SEM1: variants seen among roughly 807,000 people sequenced by gnomAD.
SEM1 encodes the protein 26S proteasome complex subunit SEM1.
A neutral mutation model predicts 12.7 loss-of-function variants in SEM1; 3 were observed. That is an observed-to-expected ratio of 0.24 (90% CI 0.11 to 0.61). The LOEUF is 0.61. Ranked by LOEUF, SEM1 falls within the 20% of genes least tolerant of loss-of-function variation. The pLI is 0.88. For synonymous variants in SEM1, 30 were observed against 27.8 expected, an observed-to-expected ratio of 1.08 and a Z score of -0.25; for missense variants, 59 against 81.3, an observed-to-expected ratio of 0.73 and a Z score of 1.06.
At chr7:96,653,166 C>G (rs1485028787) in intron 2 of SEM1, among the ~76,000 whole-genome samples, 1 of 152,196 alleles carries the variant, frequency 6.6e-6, no homozygotes, top group Non-Finnish European at 1.5e-5. Context: ...GATTCCCACC[C>G]AGGCCTCACT....
intron 2 of SEM1, among the ~76,000 whole-genome samples, chr7:96,677,552 A>C (rs1188858646): frequency 1.3e-5 from 2 of 152,176 alleles, no homozygotes; most frequent in Admixed American, 6.5e-5. Context: ...GGATTTATTG[A>C]AAGGAAGTGA....
At chr7:96,578,358 T>C (rs1293487238) in intron 2 of SEM1, among the ~76,000 whole-genome samples, 1 of 150,222 alleles carries the variant, frequency 6.7e-6, no homozygotes, top group Admixed American at 6.6e-5. Context: ...TAAAAGGTGA[T>C]AGAGGAAAAA....
At chr7:96,586,240 A>T (rs1488425217) in intron 2 of SEM1, among the ~76,000 whole-genome samples, 2 of 152,024 alleles carry the variant, frequency 1.3e-5, no homozygotes, top group Non-Finnish European at 2.9e-5. Flanking sequence ...AGAGTTTACC[A>T]CCTCTCTGAG....
At chr7:96,533,014 A>G (rs1301983429) in intron 2 of SEM1, among the ~76,000 whole-genome samples, 1 of 152,218 alleles carries the variant, frequency 6.6e-6, no homozygotes, top group East Asian at 1.9e-4. Context: ...TTAAACATCC[A>G]GAAATGCACA....
intron 2 of SEM1, among the ~76,000 whole-genome samples, chr7:96,575,001 C>A (rs186631039): frequency 1.5e-4 from 23 of 152,208 alleles, no homozygotes; most frequent in African/African-American, 5.1e-4. Context: ...AGTTTTGTTC[C>A]CTTGCTGGCG....
At chr7:96,647,236 A>G (rs1307541914) in intron 2 of SEM1, among the ~76,000 whole-genome samples, 2 of 152,204 alleles carry the variant, frequency 1.3e-5, no homozygotes, top group East Asian at 3.8e-4. Flanking sequence ...CAAGTGGTAC[A>G]GGACTCAGGG....
chr7:96,542,548 A>G (rs566865066), intron 2 of SEM1, among the ~76,000 whole-genome samples: 3 of 151,994 alleles, frequency 2.0e-5, no homozygotes, highest in South Asian at 2.1e-4. Flanking sequence ...AATAGGAAAA[A>G]GGACACGAAC....
At chr7:96,670,223 AC>A (rs1190629000), downstream of SEM1, among the ~76,000 whole-genome samples, 3 of 152,306 alleles carry the variant, frequency 2.0e-5, no homozygotes, top group Non-Finnish European at 4.4e-5. Context: ...TGGAAGAAAA[AC>A]ATACTTTATT....
intron 2 of SEM1, among the ~76,000 whole-genome samples, chr7:96,541,548 T>A (rs955729960): frequency 6.6e-6 from 1 of 151,582 alleles, no homozygotes; most frequent in African/African-American, 2.4e-5. Flanking sequence ...TTCTGTAGGT[T>A]GTCTGTTTAC....
intron 2 of SEM1, among the ~76,000 whole-genome samples, chr7:96,570,210 T>A (rs1403247194): frequency 6.6e-6 from 1 of 151,004 alleles, no homozygotes; most frequent in African/African-American, 2.5e-5. Context: ...TTTTTTTTTT[T>A]AATACTTTAA....
At chr7:96,524,725 T>C (rs1804395586) in intron 2 of SEM1, among the ~76,000 whole-genome samples, 1 of 152,078 alleles carries the variant, frequency 6.6e-6, no homozygotes, top group African/African-American at 2.4e-5. Context: ...TTTACAATCT[T>C]ATTTCATGCT....
intron 2 of SEM1, among the ~76,000 whole-genome samples, chr7:96,659,785 T>G (rs1397337000): frequency 6.6e-6 from 1 of 151,178 alleles, no homozygotes; most frequent in Non-Finnish European, 1.5e-5. Context: ...AAATGAATAC[T>G]TACAAACTAA....
intron 2 of SEM1, among the ~76,000 whole-genome samples, chr7:96,528,032 AACTCGTATTCCC>A (rs1410229913): frequency 7.2e-5 from 11 of 152,142 alleles, no homozygotes; most frequent in Admixed American, 7.2e-4. Context: ...TGATTTGTAA[AACTCGTATTCCC>A]AGGTTCAAAT....
chr7:96,596,851 C>A (rs1807012973), intron 2 of SEM1, among the ~76,000 whole-genome samples: 1 of 152,132 alleles, frequency 6.6e-6, no homozygotes, highest in Admixed American at 6.5e-5. Context: ...AAAATATTTT[C>A]ATCAAAATAA....
intron 2 of SEM1, among the ~76,000 whole-genome samples, chr7:96,573,592 GC>G (rs552410206): frequency 2.0e-5 from 3 of 152,064 alleles, no homozygotes; most frequent in African/African-American, 7.2e-5. Flanking sequence ...TTGAATATTG[GC>G]CCCCCTCTCT....
At chr7:96,542,696 A>G (rs1466918695) in intron 2 of SEM1, among the ~76,000 whole-genome samples, 1 of 151,914 alleles carries the variant, frequency 6.6e-6, no homozygotes, top group Non-Finnish European at 1.5e-5. Flanking sequence ...AAGAAAACAC[A>G]CATGGTAATA....
intron 2 of SEM1, among the ~76,000 whole-genome samples, chr7:96,595,058 T>G (rs183666501): frequency 1.3e-5 from 2 of 152,226 alleles, no homozygotes; most frequent in African/African-American, 4.8e-5. Flanking sequence ...TATAAAAAAT[T>G]TAATGAACAT....
chr7:96,567,851 A>G (rs758385364), intron 2 of SEM1, among the ~76,000 whole-genome samples: 35 of 151,552 alleles, frequency 2.3e-4, no homozygotes, highest in Admixed American at 5.9e-4. Flanking sequence ...CTTTTAAAGC[A>G]ATGTTGGATT....
chr7:96,491,125 G>A (rs1053068900), intron 1 of SEM1, among the ~76,000 whole-genome samples: 2 of 152,088 alleles, frequency 1.3e-5, no homozygotes, highest in African/African-American at 2.4e-5. Flanking sequence ...GAAAGAGAGA[G>A]GTTTGGTTAC....
Sources: gnomAD v4.1 joint callset for allele counts (sites outside exome capture counted in the v4.1 genomes callset) on GRCh38, gnomAD v4.1.1 for gene constraint, MANE v1.5 for transcripts, NCBI Gene and HGNC (gene_info 2026-07-23, HGNC 2026-07-21) for gene names.